Variants in ZNF407 observed in about 807,000 individuals in gnomAD.
ZNF407 encodes zinc finger protein 407.
In ZNF407, 17 loss-of-function variants were observed where a neutral mutation model predicts 131.2. The observed-to-expected ratio is 0.13, with a 90% CI of 0.09 to 0.19. The LOEUF (loss-of-function observed/expected upper bound fraction) is 0.19, where lower values mean the gene tolerates loss of function less well. Among genes scored for constraint, ZNF407 ranks in the 10% least tolerant of loss-of-function variants. The probability of loss-of-function intolerance (pLI) is 1.00; values close to 1 mark genes in which losing one functional copy is unlikely to be tolerated. For missense variants in ZNF407, 2,681 were observed against 2,830.6 expected, an observed-to-expected ratio of 0.95 and a Z score of 1.20; for synonymous variants, 1,156 against 1,062.0, an observed-to-expected ratio of 1.09 and a Z score of -1.72.
chr18:74,685,534 T>C (rs1176316211), intron 3 of ZNF407, among the ~76,000 whole-genome samples: 1 of 152,222 alleles, frequency 6.6e-6, no homozygotes, highest in Non-Finnish European at 1.5e-5. Flanking sequence ...ATTGTTGTAC[T>C]GTGTGAAAAG....
intron 8 of ZNF407, among the ~76,000 whole-genome samples, chr18:74,974,742 A>G (rs536926939): frequency 2.6e-5 from 4 of 152,284 alleles, no homozygotes; most frequent in East Asian, 3.9e-4. Flanking sequence ...TCTTCATGCA[A>G]TGAAAGTTGT....
intron 3 of ZNF407, among the ~76,000 whole-genome samples, chr18:74,691,000 C>T (rs545467089): frequency 3.9e-5 from 6 of 152,254 alleles, no homozygotes; most frequent in South Asian, 4.1e-4. Context: ...TAGGAAAGGC[C>T]GAGCGCAGTG....
chr18:74,678,464 C>T (rs1325693955), intron 3 of ZNF407, among the ~76,000 whole-genome samples: 1 of 152,170 alleles, frequency 6.6e-6, no homozygotes, highest in African/African-American at 2.4e-5. Flanking sequence ...GCACCTAGGC[C>T]CTGATGGCTG....
intron 1 of ZNF407, among the ~76,000 whole-genome samples, chr18:74,630,407 G>C (rs572955465): frequency 1.3e-5 from 2 of 152,006 alleles, no homozygotes; most frequent in Admixed American, 1.3e-4. Flanking sequence ...TCCTGACCTC[G>C]TGATCCGCCT....
chr18:74,729,442 A>G (rs1735942862), intron 3 of ZNF407, among the ~76,000 whole-genome samples: 2 of 151,850 alleles, frequency 1.3e-5, no homozygotes, highest in African/African-American at 4.8e-5. Flanking sequence ...TTTACATAGT[A>G]TGGATTCTCA....
At chr18:74,722,981 C>T (rs970930159) in intron 3 of ZNF407, among the ~76,000 whole-genome samples, 4 of 152,100 alleles carry the variant, frequency 2.6e-5, no homozygotes, top group African/African-American at 9.6e-5. Flanking sequence ...TTCTTAGGTA[C>T]CCGAGCTTCT....
At chr18:74,892,800 A>T (rs2145199158) in intron 7 of ZNF407, among the ~76,000 whole-genome samples, 1 of 152,272 alleles carries the variant, frequency 6.6e-6, no homozygotes, top group South Asian at 2.1e-4. Context: ...ATGCACAATA[A>T]TGAATTTATT....
intron 8 of ZNF407, among the ~76,000 whole-genome samples, chr18:74,957,717 A>G (rs1348919607): frequency 1.3e-5 from 2 of 152,192 alleles, no homozygotes; most frequent in African/African-American, 4.8e-5. Flanking sequence ...AGCTCTTTAC[A>G]GACTGGGCGG....
chr18:74,679,006 T>C (rs984664774), intron 3 of ZNF407, among the ~76,000 whole-genome samples: 3 of 151,880 alleles, frequency 2.0e-5, no homozygotes, highest in Admixed American at 2.0e-4. Context: ...AAAGCCTGTT[T>C]ACACCAAGTT....
At chr18:74,826,547 T>G (rs1970412560) in intron 4 of ZNF407, among the ~76,000 whole-genome samples, 1 of 152,126 alleles carries the variant, frequency 6.6e-6, no homozygotes, top group Non-Finnish European at 1.5e-5. Flanking sequence ...ATATCTACAT[T>G]TGTGGTGTTC....
intron 4 of ZNF407, among the ~76,000 whole-genome samples, chr18:74,843,989 G>A (rs986025289): frequency 9.9e-5 from 15 of 152,158 alleles, no homozygotes; most frequent in African/African-American, 3.4e-4. Flanking sequence ...TTTCTAAGGT[G>A]TTAAAAATAT....
intron 4 of ZNF407, among the ~76,000 whole-genome samples, chr18:74,816,995 T>C (rs942984108): frequency 6.6e-6 from 1 of 152,204 alleles, no homozygotes; most frequent in Admixed American, 6.5e-5. Flanking sequence ...GTTGTTATTT[T>C]ATGTTAATTA....
chr18:74,983,363 G>A (rs1972615551), intron 8 of ZNF407, among the ~76,000 whole-genome samples: 1 of 152,184 alleles, frequency 6.6e-6, no homozygotes, highest in Non-Finnish European at 1.5e-5. Context: ...TCTACAGCAT[G>A]CAGTGTTTGT....
intron 4 of ZNF407, among the ~76,000 whole-genome samples, chr18:74,813,961 G>A (rs1432078570): frequency 6.6e-6 from 1 of 152,116 alleles, no homozygotes; most frequent in African/African-American, 2.4e-5. Flanking sequence ...AATAGTAGAA[G>A]GAAAGTGATG....
chr18:74,680,882 C>T (rs967086861), intron 3 of ZNF407, among the ~76,000 whole-genome samples: 3 of 152,064 alleles, frequency 2.0e-5, no homozygotes, highest in African/African-American at 4.8e-5. Flanking sequence ...TTTCAGTGCT[C>T]ACCCTTTTAA....
intron 1 of ZNF407, among the ~76,000 whole-genome samples, chr18:74,610,514 T>A (rs1488097108): frequency 6.8e-6 from 1 of 147,372 alleles, no homozygotes; most frequent in Admixed American, 6.6e-5. Flanking sequence ...GCTTAACTCT[T>A]TAGTTTTTTA....
At chr18:74,684,585 A>T (rs1967056034) in intron 3 of ZNF407, among the ~76,000 whole-genome samples, 1 of 152,178 alleles carries the variant, frequency 6.6e-6, no homozygotes, top group Non-Finnish European at 1.5e-5. Context: ...GATTTTACAG[A>T]TTGTAAACTG....
chr18:74,955,194 C>G (rs944227355), intron 8 of ZNF407, among the ~76,000 whole-genome samples: 2 of 151,698 alleles, frequency 1.3e-5, no homozygotes, highest in African/African-American at 2.4e-5. Context: ...TTGTGGGGAC[C>G]GCAAGTCCAG....
chr18:74,896,303 A>G (rs567912470), intron 7 of ZNF407, among the ~76,000 whole-genome samples: 1 of 152,004 alleles, frequency 6.6e-6, no homozygotes, highest in African/African-American at 2.4e-5. Flanking sequence ...CGTTTCCATT[A>G]TGTCATTTAC....
Sources: allele counts gnomAD v4.1 joint callset (sites outside exome capture counted in the v4.1 genomes callset), GRCh38; gene constraint gnomAD v4.1.1; transcripts MANE v1.5; gene names NCBI Gene and HGNC (gene_info 2026-07-23, HGNC 2026-07-21).